ELP4: variants seen among roughly 807,000 people sequenced by gnomAD.
ELP4 encodes elongator complex protein 4.
In ELP4, 51 loss-of-function variants were observed where a neutral mutation model predicts 48.9. That is an observed-to-expected ratio of 1.04 (90% confidence interval 0.83 to 1.32). The LOEUF (loss-of-function observed/expected upper bound fraction) is 1.32. Ranked by LOEUF, ELP4 falls within the 40% of genes most tolerant of loss-of-function variation. ELP4 has a pLI of 0.00. For synonymous variants in ELP4, 210 were observed against 189.2 expected, an observed-to-expected ratio of 1.11 and a Z score of -0.90; for missense variants, 519 against 514.6, an observed-to-expected ratio of 1.01 and a Z score of -0.08.
At chr11:31,545,958 C>T (rs1956702859) in intron 3 of ELP4, among the ~76,000 whole-genome samples, 1 of 152,014 alleles carries the variant, frequency 6.6e-6, no homozygotes, top group African/African-American at 2.4e-5. Context: ...ACCACCAGGC[C>T]TGCCCTAAAA....
At chr11:31,571,522 C>G (rs760859046) in intron 3 of ELP4, among the ~76,000 whole-genome samples, 1 of 152,174 alleles carries the variant, frequency 6.6e-6, no homozygotes, top group Non-Finnish European at 1.5e-5. Flanking sequence ...GACCTCCTCT[C>G]GTGAATCATG....
chr11:31,670,075 G>A (rs191899306), intron 9 of ELP4, among the ~76,000 whole-genome samples: 1 of 152,042 alleles, frequency 6.6e-6, no homozygotes, highest in East Asian at 1.9e-4. Flanking sequence ...TGCAAAACTC[G>A]ACTTTTTAAT....
At chr11:31,761,825 C>CA (rs1490147192) in intron 9 of ELP4, 19 of 152,240 alleles carry the variant, frequency 1.2e-4, no homozygotes, top group African/African-American at 3.9e-4. Context: ...TGATGACCAT[C>CA]TGCTCCAAGT....
intron 8 of ELP4, chr11:31,649,520 A>G (rs1417076924): frequency 6.6e-6 from 1 of 151,754 alleles, no homozygotes; most frequent in Admixed American, 6.6e-5. Flanking sequence ...TGCAAAGCTT[A>G]TAGCAGCTAC....
rs909835258 is a variant in ELP4 at position 31,575,450 on chromosome 11, A to T, written c.382-19320A>T. Among the ~76,000 whole-genome samples the T allele has an allele frequency of 1.7e-4, 26 of 152,252 alleles. No homozygotes were observed. In the South Asian group the frequency reaches 3.9e-3, roughly 23 times the overall value. The stretch of plus-strand genomic sequence containing the variant: ...AGGAAATACAGAGAACGCCACAAAG[A>T]TACTCCTCGAGAAGAGCAACTCCAA... On this transcript the variant is annotated intron_variant, in intron 3 of 9. Coordinates refer to ENST00000640961, the MANE Select transcript of ELP4 (RefSeq NM_019040.5).
At chr11:31,604,181 T>C (rs1228793719) in intron 5 of ELP4, among the ~76,000 whole-genome samples, 2 of 151,774 alleles carry the variant, frequency 1.3e-5, no homozygotes, top group Non-Finnish European at 3.0e-5. Flanking sequence ...AGTGCTGGTT[T>C]TCAAGAAAAT....
At chr11:31,571,189 C>CA (rs952213160) in intron 3 of ELP4, among the ~76,000 whole-genome samples, 2 of 152,180 alleles carry the variant, frequency 1.3e-5, no homozygotes, top group Admixed American at 1.3e-4. Flanking sequence ...ATCAACCCCT[C>CA]AAACTCTACC....
chr11:31,564,989 A>G (rs999874043), intron 3 of ELP4, among the ~76,000 whole-genome samples: 12 of 152,176 alleles, frequency 7.9e-5, no homozygotes, highest in Non-Finnish European at 1.2e-4. Context: ...TTACAGTCCC[A>G]CCAACAGTAT....
chr11:31,622,618 A>G lies in ELP4; in HGVS notation c.654-4492A>G, dbSNP rs533411897. 7.9e-5 allele frequency among the ~76,000 whole-genome samples: 12 copies of G among 151,794 alleles called. 1 individual carries two copies. In the South Asian group the frequency reaches 1.2e-3, roughly 16 times the overall value. Reference sequence around the variant, plus strand: ...AACACTACTTTTCACAGCAAAACCAATGCAGTTTGTTGATAGGAATTAAAA... The same window carrying G: ...AACACTACTTTTCACAGCAAAACCAGTGCAGTTTGTTGATAGGAATTAAAA... On this transcript the variant is annotated intron_variant, in intron 5 of 9. Transcript: ENST00000640961.
At chr11:31,519,138 C>G (rs1328295072) in intron 1 of ELP4, among the ~76,000 whole-genome samples, 1 of 152,054 alleles carries the variant, frequency 6.6e-6, no homozygotes, top group Admixed American at 6.6e-5. Context: ...TAAAAGAACA[C>G]TAGTCTAGTA....
intron 9 of ELP4, among the ~76,000 whole-genome samples, chr11:31,662,282 A>G (rs1226182714): frequency 2.0e-5 from 3 of 152,122 alleles, no homozygotes; most frequent in African/African-American, 7.2e-5. Flanking sequence ...CAATTTCTTT[A>G]GCATTCAATT....
In ELP4 at chr11:31,704,969, C is replaced by G. The variant is rs372155107; in HGVS notation, c.1143+54748C>G. On this transcript the variant is annotated intron_variant, in intron 9 of 9. Transcript: ENST00000640961. ...GAGGTTGTGGTGAGCTGAGATCGCG[C>G]CACTGCACGCCAACCTGGGAACAGA... Among the ~76,000 whole-genome samples, 4 of 151,272 alleles carry G rather than the reference C, an allele frequency of 2.6e-5. No individual in the cohort carries two copies. The East Asian group carries it at 7.8e-4, about 30-fold the overall frequency.
At chr11:31,608,611 G>T (rs776287256) in intron 5 of ELP4, among the ~76,000 whole-genome samples, 5 of 151,792 alleles carry the variant, frequency 3.3e-5, no homozygotes, top group African/African-American at 1.2e-4. Flanking sequence ...GTCAGGGGCC[G>T]TACTAGCAGA....
In ELP4 at chr11:31,529,502, A is replaced by G. The variant is rs566231675; in HGVS notation, c.259+9411A>G. 6.6e-5 allele frequency among the ~76,000 whole-genome samples: 10 copies of G among 152,326 alleles called. No individual in the cohort carries two copies. In the South Asian group the frequency reaches 2.1e-3, roughly 32 times the overall value. On this transcript the variant is annotated intron_variant, in intron 2 of 9. Transcript: ENST00000640961. ...AACTCCAAGGGCATCAGTCGTAGAC[A>G]TTGAAGTTGCTTTCAAGAAGCAGAA...
intron 9 of ELP4, among the ~76,000 whole-genome samples, chr11:31,743,741 C>G (rs1453330389): frequency 1.3e-5 from 2 of 151,800 alleles, no homozygotes; most frequent in African/African-American, 2.4e-5. Flanking sequence ...GGGACACATT[C>G]AAAGCAGTGT....
chr11:31,648,535 A>G (rs994702714), intron 8 of ELP4: 5 of 151,462 alleles, frequency 3.3e-5, no homozygotes, highest in Admixed American at 2.6e-4. Context: ...TCTTAGTAAT[A>G]TAGGTCTAAA....
At chr11:31,662,576 G>C in intron 9 of ELP4, 1 of 397,862 alleles carries the variant, frequency 2.5e-6, no homozygotes, top group Non-Finnish European at 4.4e-6. Flanking sequence ...GATATTTTCT[G>C]TCTCGTCATT....
At chr11:31,540,845 TTGATTAATATTAGTTTTCTTG>T (rs1212436844) in intron 3 of ELP4, among the ~76,000 whole-genome samples, 1 of 152,210 alleles carries the variant, frequency 6.6e-6, no homozygotes, top group African/African-American at 2.4e-5. Flanking sequence ...GAAGTACTCA[TTGATTAATATTAGTTTTCTTG>T]GAGAATGCCA....
At position 31,650,175 on chromosome 11, in the gene ELP4, T is replaced by A. The variant is rs1309161861; in HGVS notation, c.1097T>A (p.Val366Asp). 2.6e-6 allele frequency: 4 copies of A among 1,526,508 alleles called. No individual in the cohort carries two copies. Among genetic ancestry groups the A allele is most frequent in the Admixed American group, 1.7e-5 (1 of 58,498 alleles). 94.6% of individuals were successfully genotyped at this position (1,526,508 alleles called of 1,614,324 possible). A position where few individuals can be genotyped will look rare whatever the true frequency, so the allele number is the denominator to read the frequency against. Residue 366 changes from valine to aspartate, a missense_variant, in exon 9 of 10, where the codon GTC becomes GAC. Val to Asp is a radical substitution (Grantham distance 152). Coordinates refer to ENST00000640961, the MANE Select transcript of ELP4 (RefSeq NM_019040.5). ...LNNLICDESD[V>D]KDLAFKLKRK... ...AACTTGATCTGTGATGAATCAGATG[T>A]CAAAGACTTAGCTTTTAAATTAAAA...
Sources: gnomAD v4.1 joint callset for allele counts (sites outside exome capture counted in the v4.1 genomes callset) on GRCh38, gnomAD v4.1.1 for gene constraint, MANE v1.5 for transcripts, NCBI Gene and HGNC (gene_info 2026-07-23, HGNC 2026-07-21) for gene names.